RBFOX1: variants seen among roughly 807,000 people sequenced by gnomAD.
The protein encoded by RBFOX1 is RNA binding fox-1 homolog 1.
RBFOX1 carries 8 observed loss-of-function variants against 57.7 expected under a neutral mutation model. That is an observed-to-expected ratio of 0.14 (90% CI 0.08 to 0.25). The LOEUF (loss-of-function observed/expected upper bound fraction) is 0.25. RBFOX1 is among the 10% of genes least tolerant of loss of function. RBFOX1 has a pLI of 1.00. For synonymous variants in RBFOX1, 326 were observed against 222.4 expected (o/e 1.47, Z -4.15); for missense variants, 611 against 548.5 (o/e 1.11, Z -1.14).
At chr16:7,069,557 G>T (rs957454469) in intron 4 of RBFOX1, among the ~76,000 whole-genome samples, 1 of 152,102 alleles carries the variant, frequency 6.6e-6, no homozygotes, top group East Asian at 1.9e-4. Flanking sequence ...TCTTCATAAG[G>T]GCTATTTTTC....
intron 4 of RBFOX1, among the ~76,000 whole-genome samples, chr16:7,088,653 G>T (rs1201598529): frequency 1.3e-5 from 2 of 152,060 alleles, no homozygotes; most frequent in Admixed American, 6.6e-5. Context: ...AATCTAGCAT[G>T]AATGGTTTAG....
At chr16:6,124,297 A>G (rs1007624171) in intron 1 of RBFOX1, among the ~76,000 whole-genome samples, 1 of 152,120 alleles carries the variant, frequency 6.6e-6, no homozygotes, top group African/African-American at 2.4e-5. Flanking sequence ...CCTGGGCCCT[A>G]CAGAAGCTTG....
At chr16:7,051,287 G>C (rs544741005) in intron 3 of RBFOX1, among the ~76,000 whole-genome samples, 1 of 152,136 alleles carries the variant, frequency 6.6e-6, no homozygotes, top group African/African-American at 2.4e-5. Context: ...TGTGTCCTTA[G>C]CATAATCATG....
chr16:7,642,682 A>G (rs2063042108), intron 11 of RBFOX1, among the ~76,000 whole-genome samples: 2 of 152,072 alleles, frequency 1.3e-5, no homozygotes, highest in Admixed American at 1.3e-4. Flanking sequence ...TATATAAATT[A>G]TTTGGGTTTT....
intron 3 of RBFOX1, among the ~76,000 whole-genome samples, chr16:6,669,164 A>T (rs1369212287): frequency 6.6e-6 from 1 of 152,158 alleles, no homozygotes; most frequent in Non-Finnish European, 1.5e-5. Flanking sequence ...CCCAGGGATT[A>T]TGCCATCCAT....
At chr16:6,018,832 G>C (rs1470309511), upstream of RBFOX1, among the ~76,000 whole-genome samples, 1 of 151,966 alleles carries the variant, frequency 6.6e-6, no homozygotes, top group African/African-American at 2.4e-5. Flanking sequence ...GACGAGGACG[G>C]GCGCAGGTGA....
intron 4 of RBFOX1, among the ~76,000 whole-genome samples, chr16:5,959,403 G>A (rs2059706838): frequency 6.6e-6 from 1 of 152,146 alleles, no homozygotes; most frequent in Non-Finnish European, 1.5e-5. Context: ...TAAATTGGGT[G>A]AATGCAGATT....
At chr16:5,958,750 C>A (rs2059694368) in intron 4 of RBFOX1, among the ~76,000 whole-genome samples, 1 of 152,182 alleles carries the variant, frequency 6.6e-6, no homozygotes, top group Non-Finnish European at 1.5e-5. Flanking sequence ...ATAATCTATT[C>A]CTTGCCTTGT....
At chr16:7,105,482 C>G (rs62014129) in intron 4 of RBFOX1, among the ~76,000 whole-genome samples, 1 of 151,904 alleles carries the variant, frequency 6.6e-6, no homozygotes, top group Non-Finnish European at 1.5e-5. Flanking sequence ...TACTGCACTT[C>G]CACCCTTTCC....
chr16:7,298,275 GTTTTTTTTTGT>G (rs2095943872), intron 4 of RBFOX1, among the ~76,000 whole-genome samples: 1 of 117,562 alleles, frequency 8.5e-6, no homozygotes, highest in African/African-American at 3.4e-5. Context: ...TTGTGTATAG[GTTTTTTTTTGT>G]TTTTTTTTTT....
At chr16:6,966,999 C>G (rs1424494046) in intron 3 of RBFOX1, among the ~76,000 whole-genome samples, 1 of 151,900 alleles carries the variant, frequency 6.6e-6, no homozygotes, top group African/African-American at 2.4e-5. Flanking sequence ...TTATACATCC[C>G]TCTTTTATTT....
chr16:5,422,226 A>AGAGGGAGAGGGAGGAGGAG, intron 1 of RBFOX1, among the ~76,000 whole-genome samples: 1 of 139,020 alleles, frequency 7.2e-6, no homozygotes, highest in Non-Finnish European at 1.6e-5. Flanking sequence ...GAGAGGAGGG[A>AGAGGGAGAGGGAGGAGGAG]GAGGGAGAGG....
intron 2 of RBFOX1, among the ~76,000 whole-genome samples, chr16:6,539,272 T>C (rs779424387): frequency 6.6e-6 from 1 of 152,120 alleles, no homozygotes; most frequent in Non-Finnish European, 1.5e-5. Flanking sequence ...CATGGGCAGG[T>C]CCTTCAATTT....
chr16:7,367,029 G>A (rs957619814), intron 4 of RBFOX1, among the ~76,000 whole-genome samples: 1 of 151,878 alleles, frequency 6.6e-6, no homozygotes, highest in African/African-American at 2.4e-5. Context: ...TGGGTTTTCT[G>A]GCTTGATTCC....
At chr16:6,073,791 A>AT (rs56684513) in intron 1 of RBFOX1, among the ~76,000 whole-genome samples, 2,321 of 150,920 alleles carry the variant, frequency 0.015, 65 homozygotes, top group African/African-American at 0.054. Flanking sequence ...AAAGGTATAT[A>AT]TTTTTTTTAT....
chr16:5,630,898 T>G (rs2048486285), intron 3 of RBFOX1, among the ~76,000 whole-genome samples: 1 of 152,240 alleles, frequency 6.6e-6, no homozygotes, highest in Non-Finnish European at 1.5e-5. Context: ...CAAATATGTT[T>G]TTTTTAGTTG....
chr16:7,353,028 C>T (rs1047348633), intron 4 of RBFOX1, among the ~76,000 whole-genome samples: 1 of 152,084 alleles, frequency 6.6e-6, no homozygotes. Context: ...TACCACTTTT[C>T]CATATGGCTT....
In RBFOX1 at chr16:5,995,980, A is replaced by G. The variant is rs144993515; in HGVS notation, c.351+128645A>G. Reference sequence around the variant, plus strand: ...TGAGGGCCCATGTTGTGGTTCATAGATGGCATCTTTTTCTTTGTTTTCACA... The same window carrying G: ...TGAGGGCCCATGTTGTGGTTCATAGGTGGCATCTTTTTCTTTGTTTTCACA... On this transcript the variant is annotated intron_variant, in intron 4 of 19. Coordinates refer to the RBFOX1 transcript ENST00000641259. Among the ~76,000 whole-genome samples, 668 of 152,272 alleles carry G rather than the reference A, an allele frequency of 4.4e-3. 10 individuals carry two copies. Among genetic ancestry groups the G allele is most frequent in the African/African-American group, 0.015 (629 of 41,558 alleles).
intron 2 of RBFOX1, among the ~76,000 whole-genome samples, chr16:5,484,072 G>A (rs972057623): frequency 6.6e-6 from 1 of 152,256 alleles, no homozygotes; most frequent in Non-Finnish European, 1.5e-5. Flanking sequence ...TCAGGAAGCT[G>A]AGGTTGGAGG....
Sources: gnomAD v4.1 joint callset for allele counts (sites outside exome capture counted in the v4.1 genomes callset) on GRCh38, gnomAD v4.1.1 for gene constraint, MANE v1.5 for transcripts, NCBI Gene and HGNC (gene_info 2026-07-23, HGNC 2026-07-21) for gene names.